The following MKRN1 variants were observed in gnomAD, a reference collection of about 807,000 sequenced individuals.
The protein encoded by MKRN1 is E3 ubiquitin-protein ligase makorin-1.
In MKRN1, 9 loss-of-function variants were observed where a neutral mutation model predicts 55.5. The observed-to-expected ratio is 0.16, with a 90% CI of 0.10 to 0.28. MKRN1 has a LOEUF of 0.28. MKRN1 is among the 10% of genes least tolerant of loss of function. The pLI, the probability that MKRN1 is intolerant of heterozygous loss-of-function variation, is 1.00. For synonymous variants in MKRN1, 253 were observed against 235.9 expected, an observed-to-expected ratio of 1.07 and a Z score of -0.66; for missense variants, 488 against 626.7, an observed-to-expected ratio of 0.78 and a Z score of 2.36.
intron 4 of MKRN1, 33 bp downstream of exon 4, chr7:140,458,974 T>C: frequency 6.2e-7 from 1 of 1,600,474 alleles, no homozygotes; most frequent in Non-Finnish European, 8.6e-7. Flanking sequence ...GATTCTCACA[T>C]CTAATAACAC....
At chr7:140,464,709 A>C (rs990560519) in intron 2 of MKRN1, among the ~76,000 whole-genome samples, 1 of 152,198 alleles carries the variant, frequency 6.6e-6, no homozygotes, top group East Asian at 1.9e-4. Context: ...CAGTCTCAAA[A>C]AAACAAACAA....
At chr7:140,458,244 C>T (rs1314999306) in intron 4 of MKRN1, among the ~76,000 whole-genome samples, 1 of 152,178 alleles carries the variant, frequency 6.6e-6, no homozygotes, top group East Asian at 1.9e-4. Flanking sequence ...TAGCCAAAAA[C>T]TGGAAATGAT....
rs758191085 is a variant in MKRN1 at position 140,456,816 on chromosome 7, C to A, written c.822G>T (p.Gln274His). 4 of 1,613,882 alleles carry A rather than the reference C, an allele frequency of 2.5e-6. No homozygotes were observed. In the African/African-American group the frequency reaches 5.3e-5, roughly 22 times the overall value. Residue 274 changes from glutamine (Q) to histidine (H), a missense_variant, in exon 5 of 8, where the codon CAG (glutamine) becomes CAT (histidine). Around this residue, in one of 2 missense-constraint regions of MKRN1, gnomAD observed 278 missense variants for 406.7 expected, o/e 0.68. Transcript: ENST00000255977. Reference sequence around the variant, plus strand: ...TCCCACACACCATGTCCTTGCTGCGCTGCACGGCAAATGAGAGCTCCATGT... The same window carrying A: ...TCCCACACACCATGTCCTTGCTGCGATGCACGGCAAATGAGAGCTCCATGT... ...EKDMELSFAV[Q>H]RSKDMVCGIC...
Position 140,459,931 on chromosome 7 carries a change from T to C in MKRN1, c.320A>G (p.Glu107Gly), listed in dbSNP as rs932069543. Residue 107 changes from glutamate (E) to glycine (G), a missense_variant, in exon 3 of 8, where the codon GAA becomes GGA. Glu to Gly is a moderately conservative substitution (Grantham distance 98, BLOSUM62 -2). This residue lies in a region of MKRN1 where 210 missense variants were observed against 220.0 expected (regional missense o/e 0.95). Coordinates refer to ENST00000255977, the MANE Select transcript of MKRN1 (RefSeq NM_013446.4). ...TTCCTGTTTCAATGGTTTGCTATGTTCATATCTAAGAAAAAATTCAAAAGT... is the reference window on the plus strand; with the variant it reads ...TTCCTGTTTCAATGGTTTGCTATGTCCATATCTAAGAAAAAATTCAAAAGT... ...YCIYGDRCRY[E>G]HSKPLKQEEA... The C allele has an allele frequency of 6.2e-7, 1 of 1,612,332 alleles. No individual in the cohort carries two copies. The highest frequency in any genetic ancestry group is 8.5e-7 in the Non-Finnish European group (1 of 1,178,712).
chr7:140,472,144 G>T, intron 1 of MKRN1, 133 bp from the exon 2 acceptor site: 1 of 1,267,558 alleles, frequency 7.9e-7, no homozygotes, highest in Non-Finnish European at 1.1e-6. Context: ...AAAGGGCCAG[G>T]CATGGTGGCT....
chr7:140,473,655 C>CT (rs1794999939), intron 1 of MKRN1: 1 of 154,664 alleles, frequency 6.5e-6, no homozygotes. Context: ...GTTTATTCCC[C>CT]TTTTTATCTC....
intron 4 of MKRN1, among the ~76,000 whole-genome samples, chr7:140,457,499 T>C (rs1205064296): frequency 1.3e-5 from 2 of 152,000 alleles, no homozygotes; most frequent in East Asian, 1.9e-4. Flanking sequence ...AAGGCCAAGG[T>C]TGGGTGGATC....
intron 7 of MKRN1, 134 bp downstream of exon 7, chr7:140,454,961 G>T: frequency 1.5e-6 from 2 of 1,312,962 alleles, no homozygotes; most frequent in Non-Finnish European, 2.1e-6. Context: ...TCTGAGGTTT[G>T]TTTCCTCCTT....
intron 1 of MKRN1, chr7:140,474,496 A>G: frequency 6.5e-6 from 2 of 309,622 alleles, no homozygotes; most frequent in South Asian, 2.4e-5. Context: ...CCGTCTCAAA[A>G]AAAAAATAAA....
At chr7:140,469,947 C>T (rs1794875229) in intron 2 of MKRN1, among the ~76,000 whole-genome samples, 1 of 149,512 alleles carries the variant, frequency 6.7e-6, no homozygotes, top group Admixed American at 6.8e-5. Context: ...ACTCGGGAGG[C>T]TGAGGCAGGA....
At chr7:140,455,987 C>T in intron 5 of MKRN1, 87 bp from the exon 6 acceptor site, 1 of 1,222,620 alleles carries the variant, frequency 8.2e-7, no homozygotes, top group Non-Finnish European at 1.2e-6. Flanking sequence ...CGCCTCCAGA[C>T]TTAAAGACTT....
At position 140,454,606 on chromosome 7, in the gene MKRN1, C is replaced by A. The variant is rs772671179; in HGVS notation, c.1360G>T (p.Ala454Ser). The A allele has an allele frequency of 6.2e-7, 1 of 1,613,966 alleles. No homozygotes were observed. The highest frequency in any genetic ancestry group is 1.7e-5 in the Admixed American group (1 of 60,012). Residue 454 changes from alanine to serine, a missense_variant, in exon 8 of 8, where the codon GCA (alanine) becomes TCA (serine). Physicochemically the swap from Ala to Ser is moderately conservative, Grantham distance 99 (BLOSUM62 1). Coordinates refer to ENST00000255977, the MANE Select transcript of MKRN1 (RefSeq NM_013446.4). Reference sequence around the variant, plus strand: ...TCTGTTAGTTCGTCGTCCCCACCTGCAGCCAAAAGCATAAGCAACATCTCG... The same window carrying A: ...TCTGTTAGTTCGTCGTCCCCACCTGAAGCCAAAAGCATAAGCAACATCTCG... ...LGEMLLMLLA[A>S]GGDDELTDSE... is the part of the protein sequence containing the mutation.
chr7:140,460,008 A>ATT, intron 2 of MKRN1, 72 bp from the exon 3 acceptor site: 1 of 1,293,696 alleles, frequency 7.7e-7, no homozygotes. Context: ...ACAGTTTGGG[A>ATT]AGCTGAGGTG....
At chr7:140,475,328 G>C in intron 1 of MKRN1, 1 of 372,210 alleles carries the variant, frequency 2.7e-6, no homozygotes, top group South Asian at 1.9e-5. Flanking sequence ...GGGCGACACA[G>C]ACTCCATCTC....
In MKRN1 at chr7:140,459,688, T is replaced by C. The variant is rs767520106; in HGVS notation, c.544+19A>G. ...CTATCCAGCCCTCTAACTCTTATTT[T>C]CTTCTTCAGAATACTTACTACGGCC... On this transcript the variant is annotated intron_variant, in intron 3 of 7. Coordinates refer to ENST00000255977, the MANE Select transcript of MKRN1 (RefSeq NM_013446.4). 5 of 1,607,200 alleles carry C rather than the reference T, an allele frequency of 3.1e-6. No homozygotes were observed. Among genetic ancestry groups the C allele is most frequent in the Non-Finnish European group, 3.4e-6 (4 of 1,173,934 alleles).
At position 140,476,471 on chromosome 7, in the gene MKRN1, C is replaced by CAAAAAAAA. The variant is rs59392050; in HGVS notation, c.185+2681_185+2688dup. Among the ~76,000 whole-genome samples the CAAAAAAAA allele has an allele frequency of 3.6e-3, 259 of 72,544 alleles. 6 individuals are homozygous for CAAAAAAAA. The highest frequency in any genetic ancestry group is 0.015 in the African/African-American group (252 of 16,290). The allele number at this position is 72,544 out of a possible 152,430, so 47.6% of individuals were successfully genotyped here. On this transcript the variant is annotated intron_variant, in intron 1 of 7. Coordinates refer to ENST00000255977, the MANE Select transcript of MKRN1 (RefSeq NM_013446.4). Reference sequence around the variant, plus strand: ...TGGGCGACAGAGCGACACTCCATCTCAAAAAAAAAAAAAAAAAAGGAAGAT... The same window carrying CAAAAAAAA: ...TGGGCGACAGAGCGACACTCCATCTCAAAAAAAAAAAAAAAAAAAAAAAAAAGGAAGAT...
At chr7:140,476,471 C>CAAAAAAAAAAA (rs59392050) in intron 1 of MKRN1, among the ~76,000 whole-genome samples, 10 of 72,566 alleles carry the variant, frequency 1.4e-4, no homozygotes, top group African/African-American at 4.3e-4. Flanking sequence ...CACTCCATCT[C>CAAAAAAAAAAA]AAAAAAAAAA....
At chr7:140,473,223 A>C (rs1563096190) in intron 1 of MKRN1, 4 of 431,164 alleles carry the variant, frequency 9.3e-6, no homozygotes, top group Admixed American at 5.7e-5. Flanking sequence ...AAAAAAAAAA[A>C]AAAACATCAT....
chr7:140,459,623 A>C, intron 3 of MKRN1, 84 bp downstream of exon 3: 1 of 1,317,878 alleles, frequency 7.6e-7, no homozygotes, highest in Non-Finnish European at 1.1e-6. Context: ...ATAGAAGCAG[A>C]AAGGGGAAAG....
Sources: gnomAD v4.1 joint callset for allele counts (sites outside exome capture counted in the v4.1 genomes callset) on GRCh38, gnomAD v4.1.1 for gene constraint, gnomAD v4.1.1 regional missense constraint, MANE v1.5 for transcripts, NCBI Gene and HGNC (gene_info 2026-07-23, HGNC 2026-07-21) for gene names.